Variants in LAMA1 observed in about 807,000 individuals in gnomAD.
The protein encoded by LAMA1 is laminin subunit alpha-1.
In LAMA1, 219 loss-of-function variants were observed where a neutral mutation model predicts 348.7. The observed-to-expected ratio is 0.63, with a 90% confidence interval of 0.56 to 0.70. LAMA1 has a LOEUF of 0.70. Among genes scored for constraint, LAMA1 ranks in the 30% least tolerant of loss-of-function variants. The pLI, the probability that LAMA1 is intolerant of heterozygous loss-of-function variation, is 0.00. For missense variants in LAMA1, 3,744 were observed against 3,888.0 expected (o/e 0.96, Z 0.99); for synonymous variants, 1,487 against 1,491.0 (o/e 1.00, Z 0.06).
rs1326427651 is a variant in LAMA1, at chr18:7,007,124, C to T, written c.4260+15G>A. 5 of 1,613,534 alleles carry T rather than the reference C, an allele frequency of 3.1e-6. No individual in the cohort carries two copies. The highest frequency in any genetic ancestry group is 4.2e-6 in the Non-Finnish European group (5 of 1,179,886). On this transcript the variant is annotated intron_variant, in intron 29 of 62. Coordinates refer to ENST00000389658, the MANE Select transcript of LAMA1 (RefSeq NM_005559.4). Reference sequence around the variant, plus strand: ...ACTTCTAAACTCAGGCAAGCACCCCCACAAACCAGCATACCAGACACTTCC... The same window carrying T: ...ACTTCTAAACTCAGGCAAGCACCCCTACAAACCAGCATACCAGACACTTCC...
At chr18:7,004,803 A>C (rs146573155) in intron 29 of LAMA1, among the ~76,000 whole-genome samples, 281 of 152,368 alleles carry the variant, frequency 1.8e-3, no homozygotes, top group African/African-American at 6.5e-3. Context: ...AATGAACTGC[A>C]CTAAACCACA....
chr18:7,074,854 A>ACACT (rs10678867), intron 3 of LAMA1, among the ~76,000 whole-genome samples: 76,217 of 151,116 alleles, frequency 0.5, 21,426 homozygotes, highest in African/African-American at 0.76. Context: ...ACTAAAATAA[A>ACACT]CAGTAGTTAA....
Position 7,007,254 on chromosome 18 carries a change from C to T in LAMA1, c.4145G>A (p.Arg1382Lys). 1 of 1,614,082 alleles carries T rather than the reference C, an allele frequency of 6.2e-7. No individual in the cohort carries two copies. Among genetic ancestry groups the T allele is most frequent in the Non-Finnish European group, 8.5e-7 (1 of 1,180,006 alleles). Reference sequence around the variant, plus strand: ...GTCACTCCCTGCTGGGAGCTTCCCTCTGTGGTACCCAGGGGCGCAGTCCTG... The same window carrying T: ...GTCACTCCCTGCTGGGAGCTTCCCTTTGTGGTACCCAGGGGCGCAGTCCTG... ...SCQDCAPGYH[R>K]GKLPAGSDRG... Residue 1382 changes from arginine to lysine, a missense_variant, in exon 29 of 63, where the codon AGA becomes AAA. Around this residue, in one of 3 missense-constraint regions of LAMA1, gnomAD observed 1,983 missense variants for 1,934.3 expected, o/e 1.03. Coordinates refer to ENST00000389658, the MANE Select transcript of LAMA1 (RefSeq NM_005559.4).
At chr18:7,095,688 T>A (rs889791436) in intron 1 of LAMA1, among the ~76,000 whole-genome samples, 1 of 152,260 alleles carries the variant, frequency 6.6e-6, no homozygotes, top group African/African-American at 2.4e-5. Context: ...AATTCTCCTT[T>A]ACTTCAGTGT....
In LAMA1 at chr18:7,034,705, C is replaced by G; in HGVS notation, c.1840-15G>C. 1 of 1,599,698 alleles carries G rather than the reference C, an allele frequency of 6.3e-7. No homozygotes were observed. The highest frequency in any genetic ancestry group is 2.2e-5 in the East Asian group (1 of 44,776). The stretch of plus-strand genomic sequence containing the variant: ...AGTCCGTTTCCCTAACATTTAAAAA[C>G]AAGAGAAAATATATTTGTCATTCAA... On this transcript the variant is annotated splice_polypyrimidine_tract_variant and intron_variant, in intron 13 of 62. Coordinates refer to ENST00000389658, the MANE Select transcript of LAMA1 (RefSeq NM_005559.4).
chr18:6,988,072 C>T (rs1051138058), intron 36 of LAMA1, among the ~76,000 whole-genome samples: 1 of 152,072 alleles, frequency 6.6e-6, no homozygotes, highest in African/African-American at 2.4e-5. Context: ...TGAGATTGCG[C>T]CACTGCACTC....
At chr18:6,976,804 CTTA>C (rs2144038627) in intron 44 of LAMA1, among the ~76,000 whole-genome samples, 1 of 151,930 alleles carries the variant, frequency 6.6e-6, no homozygotes, top group African/African-American at 2.4e-5. Flanking sequence ...GAGACAGGAT[CTTA>C]TTATGTTTCC....
At position 7,078,412 on chromosome 18, in the gene LAMA1, C is replaced by T. The variant is rs532614197; in HGVS notation, c.345+1563G>A. Among the ~76,000 whole-genome samples the T allele has an allele frequency of 4.0e-5, 6 of 151,778 alleles. No individual in the cohort carries two copies. In the South Asian group the frequency reaches 6.3e-4, roughly 16 times the overall value. On this transcript the variant is annotated intron_variant, in intron 3 of 62. Coordinates refer to ENST00000389658, the MANE Select transcript of LAMA1 (RefSeq NM_005559.4). ...CGATCTCCTGACCTCGTGATCCACCCGCCTTGGCCTCCCAAAGTGCCGGGA... is the reference window on the plus strand; with the variant it reads ...CGATCTCCTGACCTCGTGATCCACCTGCCTTGGCCTCCCAAAGTGCCGGGA...
chr18:6,942,329 GTT>G, intron 62 of LAMA1, 90 bp from the exon 63 acceptor site: 1 of 1,400,894 alleles, frequency 7.1e-7, no homozygotes. Context: ...TCTCAAGCGG[GTT>G]TTTTTATTTT....
chr18:7,115,697 G>A (rs2058352530), intron 1 of LAMA1, among the ~76,000 whole-genome samples: 2 of 150,796 alleles, frequency 1.3e-5, no homozygotes, highest in Admixed American at 6.6e-5. Flanking sequence ...CAGGCCGGGC[G>A]CGGCGGCTCA....
intron 61 of LAMA1, 37 bp downstream of exon 61, chr18:6,947,125 TG>T (rs775831525): frequency 2.5e-6 from 4 of 1,613,564 alleles, no homozygotes; most frequent in Non-Finnish European, 3.4e-6. Context: ...TCTCTGACAC[TG>T]GGGGGAGGAA....
At chr18:7,065,450 T>G (rs1480263510) in intron 3 of LAMA1, among the ~76,000 whole-genome samples, 4 of 152,284 alleles carry the variant, frequency 2.6e-5, no homozygotes, top group African/African-American at 9.6e-5. Flanking sequence ...CCAGGTATGG[T>G]GGCTCACACC....
chr18:7,056,874 ATT>A (rs552074141), intron 3 of LAMA1, among the ~76,000 whole-genome samples: 5 of 144,398 alleles, frequency 3.5e-5, no homozygotes, highest in South Asian at 2.2e-4. Flanking sequence ...AACGCTTTGA[ATT>A]TTTTTTTTTT....
intron 44 of LAMA1, among the ~76,000 whole-genome samples, chr18:6,976,627 T>C (rs776978638): frequency 2.1e-5 from 3 of 141,214 alleles, no homozygotes; most frequent in African/African-American, 5.4e-5. Flanking sequence ...TATTTATTTA[T>C]TTAGGGTCTT....
At chr18:7,052,201 G>C (rs1202988210) in intron 3 of LAMA1, among the ~76,000 whole-genome samples, 1 of 152,104 alleles carries the variant, frequency 6.6e-6, no homozygotes, top group African/African-American at 2.4e-5. Flanking sequence ...GGCCAAAGCT[G>C]GTGGATCGCC....
chr18:7,111,063 C>T (rs1226080696), intron 1 of LAMA1, among the ~76,000 whole-genome samples: 1 of 152,168 alleles, frequency 6.6e-6, no homozygotes, highest in African/African-American at 2.4e-5. Context: ...ATGGCACTTT[C>T]CATAAATACT....
chr18:7,063,277 C>T (rs180942917), intron 3 of LAMA1, among the ~76,000 whole-genome samples: 26 of 152,210 alleles, frequency 1.7e-4, no homozygotes, highest in Admixed American at 1.6e-3. Context: ...ACACATCTAA[C>T]TTCACTGAGT....
chr18:7,051,078 AGGTGCGAGGAGAG>A, intron 3 of LAMA1, 142 bp from the exon 4 acceptor site: 1 of 1,057,644 alleles, frequency 9.5e-7, no homozygotes, highest in Non-Finnish European at 1.4e-6. Context: ...GGCTGCCATG[AGGTGCGAGGAGAG>A]GGGAATAGGG....
intron 59 of LAMA1, 151 bp from the exon 60 acceptor site, chr18:6,948,707 C>A: frequency 4.9e-6 from 4 of 815,574 alleles, no homozygotes; most frequent in Non-Finnish European, 7.8e-6. Flanking sequence ...CAATACTTCA[C>A]ATGAATGTCT....
Sources: gnomAD v4.1 joint callset for allele counts (sites outside exome capture counted in the v4.1 genomes callset) on GRCh38, gnomAD v4.1.1 for gene constraint, gnomAD v4.1.1 regional missense constraint, MANE v1.5 for transcripts, NCBI Gene and HGNC (gene_info 2026-07-23, HGNC 2026-07-21) for gene names.